The following CPLANE1 variants were observed in gnomAD, a reference collection of about 807,000 sequenced individuals.
CPLANE1 encodes the protein ciliogenesis and planar polarity effector complex subunit 1.
CPLANE1 carries 263 observed loss-of-function variants against 362.5 expected under a neutral mutation model. That is an observed-to-expected ratio of 0.73 (90% confidence interval 0.66 to 0.80). CPLANE1 has a LOEUF of 0.80. Among genes scored for constraint, CPLANE1 ranks in the 30% least tolerant of loss-of-function variants. CPLANE1 has a pLI of 0.00. For missense variants in CPLANE1, 3,461 were observed against 3,793.4 expected (o/e 0.91, Z 2.30); for synonymous variants, 1,212 against 1,302.6 (o/e 0.93, Z 1.50).
At chr5:37,136,421 T>C (rs1489484955) in intron 46 of CPLANE1, among the ~76,000 whole-genome samples, 2 of 152,214 alleles carry the variant, frequency 1.3e-5, no homozygotes, top group African/African-American at 2.4e-5. Context: ...CTTTGCAGGG[T>C]ACAGCCCTCT....
At position 37,167,172 on chromosome 5, in the gene CPLANE1, C is replaced by A; in HGVS notation, c.7275G>T (p.Ala2425=). Residue 2425 remains alanine (A), a synonymous_variant, in exon 35 of 53, where the codon GCG becomes GCT. Transcript: ENST00000651892. ...TQLIPLENLI[A]FKQSQQKLTH... ...TTAGTTTCTGTTGGCTTTGTTTAAA[C>A]GCAATGAGGTTTTCAAGTGGGATAA... 6.2e-7 allele frequency: 1 copy of A among 1,612,972 alleles called. No individual in the cohort carries two copies. Among genetic ancestry groups the A allele is most frequent in the South Asian group, 1.1e-5 (1 of 90,792 alleles).
intron 8 of CPLANE1, among the ~76,000 whole-genome samples, chr5:37,237,952 G>A (rs1353553651): frequency 1.3e-5 from 2 of 152,190 alleles, no homozygotes; most frequent in Non-Finnish European, 2.9e-5. Flanking sequence ...GCCAAGATGG[G>A]AGGATCACTT....
intron 16 of CPLANE1, among the ~76,000 whole-genome samples, chr5:37,208,777 A>G (rs969147139): frequency 3.3e-5 from 5 of 149,620 alleles, no homozygotes; most frequent in Non-Finnish European, 7.4e-5. Context: ...GTCACGCTGT[A>G]TTGCTCTATT....
chr5:37,111,102 C>T (rs1293074464), intron 51 of CPLANE1, among the ~76,000 whole-genome samples: 4 of 149,702 alleles, frequency 2.7e-5, no homozygotes, highest in African/African-American at 4.9e-5. Context: ...CCACCACGCC[C>T]GGCCAATGTA....
At chr5:37,221,582 A>T in intron 14 of CPLANE1, 94 bp from the exon 15 acceptor site, 2 of 814,810 alleles carry the variant, frequency 2.5e-6, no homozygotes, top group Middle Eastern at 7.8e-4. Flanking sequence ...GTTTGTGAAA[A>T]TTCATCAAGT....
At chr5:37,096,690 T>A in the CPLANE1 span, among the ~76,000 whole-genome samples, 5 of 151,858 alleles carry the variant, frequency 3.3e-5, no homozygotes, top group African/African-American at 9.7e-5. Flanking sequence ...GAATCTACAA[T>A]GAACTCAAAT....
chr5:37,246,443 G>A (rs1739693583), intron 2 of CPLANE1: 1 of 152,118 alleles, frequency 6.6e-6, no homozygotes, highest in African/African-American at 2.4e-5. Flanking sequence ...AGCCTCCTGA[G>A]TAGCTGGGAC....
chr5:37,188,278 A>C (rs1338271518), intron 21 of CPLANE1, among the ~76,000 whole-genome samples: 1 of 152,212 alleles, frequency 6.6e-6, no homozygotes, highest in African/African-American at 2.4e-5. Flanking sequence ...ATTTAACTAT[A>C]CACAATGCAC....
intron 21 of CPLANE1, among the ~76,000 whole-genome samples, chr5:37,193,528 G>A (rs1405280410): frequency 6.6e-6 from 1 of 151,956 alleles, no homozygotes; most frequent in African/African-American, 2.4e-5. Flanking sequence ...AGCAGCGGGT[G>A]CCTATAGTCC....
intron 4 of CPLANE1, among the ~76,000 whole-genome samples, chr5:37,245,077 C>G (rs974124930): frequency 1.3e-5 from 2 of 150,930 alleles, no homozygotes; most frequent in Admixed American, 1.3e-4. Context: ...GCGTGGACCC[C>G]GGAGGCGAGT....
chr5:37,192,745 T>G (rs2151306837), intron 21 of CPLANE1, among the ~76,000 whole-genome samples: 1 of 147,742 alleles, frequency 6.8e-6, no homozygotes, highest in East Asian at 2.0e-4. Flanking sequence ...GCGCCTGTAG[T>G]CCCAGCTACT....
chr5:37,096,975 C>T, the CPLANE1 span, among the ~76,000 whole-genome samples: 34 of 152,158 alleles, frequency 2.2e-4, no homozygotes, highest in African/African-American at 7.9e-4. Flanking sequence ...TAAACTAGTA[C>T]AGCCACTATG....
intron 6 of CPLANE1, among the ~76,000 whole-genome samples, chr5:37,241,928 C>T (rs1215352114): frequency 2.6e-5 from 4 of 151,890 alleles, no homozygotes; most frequent in African/African-American, 9.7e-5. Flanking sequence ...CCACACTCAG[C>T]CAAGATTTGT....
intron 46 of CPLANE1, among the ~76,000 whole-genome samples, chr5:37,135,460 G>A (rs186794977): frequency 2.0e-5 from 3 of 152,158 alleles, no homozygotes; most frequent in Non-Finnish European, 2.9e-5. Flanking sequence ...CATCGCGGAA[G>A]GGGAAGCAAA....
chr5:37,091,615 G>A, the CPLANE1 span, among the ~76,000 whole-genome samples: 60 of 152,230 alleles, frequency 3.9e-4, no homozygotes, highest in African/African-American at 1.4e-3. Flanking sequence ...TTTAGATGAC[G>A]AATTTCAATC....
rs1262787542 is a variant in CPLANE1 at position 37,173,810 on chromosome 5, T to A, written c.6116A>T (p.Asp2039Val). 6.2e-7 allele frequency: 1 copy of A among 1,614,110 alleles called. No individual in the cohort carries two copies. The highest frequency in any genetic ancestry group is 8.5e-7 in the Non-Finnish European group (1 of 1,180,008). Residue 2039 changes from aspartate (D) to valine (V), a missense_variant, in exon 32 of 53, where the codon GAT (aspartate) becomes GTT (valine). By Grantham distance (152) the Asp-to-Val change is radical. Transcript: ENST00000651892. Reference sequence around the variant, plus strand: ...CATCTGCCTAACGGACTCCGAACAATCTGGTAACTGAGCCGTGAATTCATT... The same window carrying A: ...CATCTGCCTAACGGACTCCGAACAAACTGGTAACTGAGCCGTGAATTCATT... ...QRNEFTAQLP[D>V]CSESVRQMLQ...
intron 24 of CPLANE1, among the ~76,000 whole-genome samples, chr5:37,185,459 T>C (rs1301179528): frequency 6.6e-6 from 1 of 152,078 alleles, no homozygotes; most frequent in Non-Finnish European, 1.5e-5. Flanking sequence ...AAAATGAGGA[T>C]AATTCTAGCC....
intron 44 of CPLANE1, chr5:37,141,254 G>C: frequency 1.0e-6 from 1 of 985,176 alleles, no homozygotes; most frequent in African/African-American, 1.7e-5. Flanking sequence ...ATGTTCCCAA[G>C]GATAAAATGG....
intron 34 of CPLANE1, 133 bp from the exon 35 acceptor site, chr5:37,167,346 A>G: frequency 2.8e-6 from 2 of 714,186 alleles, no homozygotes. Flanking sequence ...AAATATAACA[A>G]ATTGATTTAA....
Sources: allele counts gnomAD v4.1 joint callset (sites outside exome capture counted in the v4.1 genomes callset), GRCh38; gene constraint gnomAD v4.1.1; transcripts MANE v1.5; gene names NCBI Gene and HGNC (gene_info 2026-07-23, HGNC 2026-07-21).